Variants in STK32B observed in about 807,000 individuals in gnomAD.
The protein encoded by STK32B is serine/threonine kinase 32B, also known as serine/threonine-protein kinase 32B.
In STK32B, 43 loss-of-function variants were observed where a neutral mutation model predicts 52.6. The observed-to-expected ratio is 0.82, with a 90% CI of 0.64 to 1.05. The LOEUF is 1.05. STK32B is among the 50% of genes least tolerant of loss of function. The pLI is 0.00. For synonymous variants in STK32B, 238 were observed against 204.3 expected, an observed-to-expected ratio of 1.17 and a Z score of -1.41; for missense variants, 621 against 534.6, an observed-to-expected ratio of 1.16 and a Z score of -1.59.
At chr4:5,073,439 G>A (rs924336644) in intron 1 of STK32B, among the ~76,000 whole-genome samples, 3 of 151,530 alleles carry the variant, frequency 2.0e-5, no homozygotes, top group African/African-American at 7.3e-5. Flanking sequence ...TTCTTATTTT[G>A]TAATATATCT....
chr4:5,129,727 T>C (rs912424732), intron 1 of STK32B, among the ~76,000 whole-genome samples: 1 of 152,192 alleles, frequency 6.6e-6, no homozygotes, highest in African/African-American at 2.4e-5. Context: ...GAAGTAGGTA[T>C]CATTGTGCCT....
Position 5,171,522 on chromosome 4 carries a change from A to G in STK32B, c.260+3072A>G, listed in dbSNP as rs565522490. On this transcript the variant is annotated intron_variant, in intron 3 of 11. Coordinates refer to ENST00000282908, the MANE Select transcript of STK32B (RefSeq NM_018401.3). ...AAGGTGTCCAGTTTCAGCTTTCTCC[A>G]TATGGCTAGCCAGTTTTCCCAGCAC... 2.6e-5 allele frequency among the ~76,000 whole-genome samples: 4 copies of G among 152,318 alleles called. No individual in the cohort carries two copies. The East Asian group carries it at 5.8e-4, about 22-fold the overall frequency.
intron 3 of STK32B, among the ~76,000 whole-genome samples, chr4:5,266,394 G>C (rs1727059347): frequency 6.6e-6 from 1 of 152,152 alleles, no homozygotes; most frequent in Non-Finnish European, 1.5e-5. Flanking sequence ...GGAGTGACTG[G>C]GGGTAAAAGG....
At chr4:5,309,076 A>G (rs1052509732) in intron 3 of STK32B, among the ~76,000 whole-genome samples, 1 of 152,172 alleles carries the variant, frequency 6.6e-6, no homozygotes, top group African/African-American at 2.4e-5. Context: ...CAACATGCAA[A>G]TGTAATAGCA....
intron 1 of STK32B, among the ~76,000 whole-genome samples, chr4:5,067,895 C>T (rs886980640): frequency 1.3e-5 from 2 of 152,086 alleles, no homozygotes; most frequent in Admixed American, 6.6e-5. Flanking sequence ...AGGTGCCACA[C>T]ATTTTTAAAC....
rs71169683 is a variant in STK32B at position 5,159,560 on chromosome 4, T to TAC, written c.109-8739_109-8738insAC. Reference sequence around the variant, plus strand: ...ATATATGTATATATATGAATATATATGAATGAATATATATGAATATATATA... The same window carrying TAC: ...ATATATGTATATATATGAATATATATACGAATGAATATATATGAATATATATA... On this transcript the variant is annotated intron_variant, in intron 2 of 11. Transcript: ENST00000282908. Among the ~76,000 whole-genome samples, 36 of 66,330 alleles carry TAC rather than the reference T, an allele frequency of 5.4e-4. 1 individual carries two copies. The allele number at this position is 66,330 out of a possible 152,430, so 43.5% of individuals were successfully genotyped here. A position where few individuals can be genotyped will look rare whatever the true frequency, so the allele number is the denominator to read the frequency against.
chr4:5,221,250 A>G (rs1174048730), intron 3 of STK32B, among the ~76,000 whole-genome samples: 1 of 152,168 alleles, frequency 6.6e-6, no homozygotes, highest in Non-Finnish European at 1.5e-5. Context: ...CTCTACCTTC[A>G]CAAGTAGAAT....
At chr4:5,199,489 GC>G (rs1280332794) in intron 3 of STK32B, among the ~76,000 whole-genome samples, 7 of 149,554 alleles carry the variant, frequency 4.7e-5, no homozygotes, top group Non-Finnish European at 7.4e-5. Flanking sequence ...CTTTGTGAAT[GC>G]TGTTTTTTTT....
At chr4:5,478,179 C>G (rs1318440141) in intron 11 of STK32B, among the ~76,000 whole-genome samples, 1 of 152,104 alleles carries the variant, frequency 6.6e-6, no homozygotes, top group Admixed American at 6.5e-5. Flanking sequence ...TCACTTTTCT[C>G]CCAAAGGATG....
intron 7 of STK32B, among the ~76,000 whole-genome samples, chr4:5,454,896 G>C (rs1323006113): frequency 6.6e-6 from 1 of 152,156 alleles, no homozygotes; most frequent in Non-Finnish European, 1.5e-5. Flanking sequence ...GTTCATGGAA[G>C]TAACTTTCCC....
rs568000303 is a variant in STK32B, at chr4:5,288,707, A to T, written c.261-42513A>T. On this transcript the variant is annotated intron_variant, in intron 3 of 11. Transcript: ENST00000282908. ...TCTGGATTGTCTTTCTGCTTTCTTG[A>T]TAGTGTCCTTTGGAACACAAAAGTT... 2.0e-5 allele frequency among the ~76,000 whole-genome samples: 3 copies of T among 152,274 alleles called. No individual in the cohort carries two copies. The East Asian group carries it at 5.8e-4, about 29-fold the overall frequency.
At chr4:5,068,152 C>T (rs1010940745) in intron 1 of STK32B, among the ~76,000 whole-genome samples, 2 of 152,070 alleles carry the variant, frequency 1.3e-5, no homozygotes, top group Non-Finnish European at 2.9e-5. Context: ...AGTTAACTTT[C>T]AATGGCAAAA....
intron 4 of STK32B, among the ~76,000 whole-genome samples, chr4:5,376,118 G>A (rs1483641023): frequency 6.6e-6 from 1 of 152,142 alleles, no homozygotes; most frequent in Non-Finnish European, 1.5e-5. Flanking sequence ...GATTTTCCAG[G>A]TCCTGTGGGG....
intron 1 of STK32B, among the ~76,000 whole-genome samples, chr4:5,128,313 A>ATG (rs1477421921): frequency 1.3e-5 from 2 of 152,354 alleles, no homozygotes; most frequent in East Asian, 3.9e-4. Context: ...GGAAGGAGGT[A>ATG]TGCATAAGGC....
In STK32B at chr4:5,172,416, G is replaced by C. The variant is rs544744401; in HGVS notation, c.260+3966G>C. On this transcript the variant is annotated intron_variant, in intron 3 of 11. Coordinates refer to ENST00000282908, the MANE Select transcript of STK32B (RefSeq NM_018401.3). ...TTCAAAGGGAATGCTTCCAGTTTTT[G>C]TCCATTCAGTATGATATTGGCTGTG... Among the ~76,000 whole-genome samples the C allele has an allele frequency of 1.1e-3, 171 of 152,144 alleles. 1 individual carries two copies. Among genetic ancestry groups the C allele is most frequent in the Non-Finnish European group, 2.1e-3 (141 of 67,978 alleles).
intron 6 of STK32B, among the ~76,000 whole-genome samples, chr4:5,422,575 C>T (rs1712735426): frequency 6.6e-6 from 1 of 152,176 alleles, no homozygotes; most frequent in Non-Finnish European, 1.5e-5. Flanking sequence ...GTTCCAGCAG[C>T]CACGTGGGGC....
chr4:5,132,042 T>C (rs78016522), intron 1 of STK32B, among the ~76,000 whole-genome samples: 1,990 of 152,278 alleles, frequency 0.013, 49 homozygotes, highest in African/African-American at 0.044. Flanking sequence ...TTTCTGTTCC[T>C]GTGTTAGTTT....
chr4:5,241,204 G>A (rs1482215495), intron 3 of STK32B, among the ~76,000 whole-genome samples: 1 of 152,086 alleles, frequency 6.6e-6, no homozygotes, highest in African/African-American at 2.4e-5. Context: ...CTGCACTGCT[G>A]TTTTTGATTT....
chr4:5,132,345 G>A (rs1715829659), intron 1 of STK32B, among the ~76,000 whole-genome samples: 1 of 151,766 alleles, frequency 6.6e-6, no homozygotes. Context: ...ACAAACACTG[G>A]GTGGAGGGAG....
Sources: allele counts gnomAD v4.1 joint callset (sites outside exome capture counted in the v4.1 genomes callset), GRCh38; gene constraint gnomAD v4.1.1; transcripts MANE v1.5; gene names NCBI Gene and HGNC (gene_info 2026-07-23, HGNC 2026-07-21).